The following KIF25 variants were observed in gnomAD, a reference collection of about 807,000 sequenced individuals.
KIF25 encodes kinesin family member 25.
In KIF25, 19 loss-of-function variants were observed where a neutral mutation model predicts 32.9. The ratio of observed to expected loss-of-function variants is 0.58; its 90% CI spans 0.40 to 0.85. KIF25 has a LOEUF of 0.85. Among genes scored for constraint, KIF25 ranks in the 40% least tolerant of loss-of-function variants. The pLI, the probability that KIF25 is intolerant of heterozygous loss-of-function variation, is 0.00. For missense variants in KIF25, 485 were observed against 507.0 expected (o/e 0.96, Z 0.42); for synonymous variants, 225 against 213.7 (o/e 1.05, Z -0.46).
intron 4 of KIF25, among the ~76,000 whole-genome samples, chr6:168,012,914 G>A (rs73040835): frequency 0.019 from 2,890 of 151,678 alleles, 28 homozygotes; most frequent in Non-Finnish European, 0.029. Context: ...GCTGTTTCGT[G>A]GGTTTGGAGT....
intron 4 of KIF25, among the ~76,000 whole-genome samples, chr6:168,016,472 G>A (rs924662642): frequency 6.6e-6 from 1 of 152,234 alleles, no homozygotes; most frequent in Non-Finnish European, 1.5e-5. Flanking sequence ...CATTGCCAGA[G>A]TCACTGTGGT....
At position 167,998,110 on chromosome 6, in the gene KIF25, G is replaced by A. The variant is rs1798446501; in HGVS notation, c.-1359G>A. ...TCTCTGGGTTGCTATAAAGACAAAGGGAGATATCAGTGAAGCACCTGGCAC... is the reference window on the plus strand; with the variant it reads ...TCTCTGGGTTGCTATAAAGACAAAGAGAGATATCAGTGAAGCACCTGGCAC... On this transcript the variant is annotated 5_prime_UTR_variant, in exon 1 of 13. Transcript: ENST00000643607. The A allele has an allele frequency of 6.6e-6, 1 of 151,512 alleles. No homozygotes were observed. Among genetic ancestry groups the A allele is most frequent in the African/African-American group, 2.4e-5 (1 of 41,224 alleles). 9.4% of individuals were successfully genotyped at this position (151,512 alleles called of 1,614,324 possible).
At chr6:168,014,814 T>C (rs1798692889) in intron 4 of KIF25, among the ~76,000 whole-genome samples, 1 of 152,250 alleles carries the variant, frequency 6.6e-6, no homozygotes, top group South Asian at 2.1e-4. Flanking sequence ...ATCCACTCTG[T>C]TGATAATCAG....
chr6:168,020,022 T>G (rs1344131491), intron 5 of KIF25, among the ~76,000 whole-genome samples: 4 of 152,218 alleles, frequency 2.6e-5, no homozygotes, highest in Admixed American at 2.6e-4. Context: ...ATCCCGCTGC[T>G]TGGGAGGCTG....
At chr6:168,013,291 C>G (rs1458487205) in intron 4 of KIF25, among the ~76,000 whole-genome samples, 2 of 151,726 alleles carry the variant, frequency 1.3e-5, no homozygotes, top group African/African-American at 2.4e-5. Flanking sequence ...CCAGGTTCCT[C>G]CAGCTGGTAG....
At chr6:168,040,450 C>A (rs531376390) in intron 10 of KIF25, among the ~76,000 whole-genome samples, 3 of 152,192 alleles carry the variant, frequency 2.0e-5, no homozygotes, top group Non-Finnish European at 4.4e-5. Context: ...CCTGTAATCC[C>A]AGCTACTCGG....
intron 4 of KIF25, among the ~76,000 whole-genome samples, chr6:168,017,215 A>G (rs1437732860): frequency 6.6e-6 from 1 of 152,292 alleles, no homozygotes; most frequent in South Asian, 2.1e-4. Context: ...AGACACACAC[A>G]CTACTAAGAA....
rs899907845 is a variant in KIF25, at chr6:168,038,640, C to G, written c.405C>G (p.Ala135=). Residue 135 remains alanine (A), a synonymous_variant, in exon 9 of 13, where the codon GCC becomes GCG. Coordinates refer to ENST00000643607, the MANE Select transcript of KIF25 (RefSeq NM_030615.4). ...VYNNDIFDLL[A]KDSIAAVSGV... ...ATAATGACATTTTTGACCTTCTGGC[C>G]AAAGACAGCATTGCAGCAGTGTCGG... 5 of 1,614,004 alleles carry G rather than the reference C, an allele frequency of 3.1e-6. No individual in the cohort carries two copies. Among genetic ancestry groups the G allele is most frequent in the Non-Finnish European group, 3.4e-6 (4 of 1,180,026 alleles).
chr6:168,038,821 G>C, intron 9 of KIF25, 92 bp downstream of exon 9: 2 of 1,320,996 alleles, frequency 1.5e-6, no homozygotes, highest in Non-Finnish European at 2.1e-6. Context: ...GTCTCTAAAC[G>C]AGCTCCCCAC....
rs1328351959 is a variant in KIF25 at position 168,024,416 on chromosome 6, C to CCT, written c.-94-5069_-94-5068dup. 6.5e-3 allele frequency among the ~76,000 whole-genome samples: 878 copies of CCT among 134,284 alleles called. 7 individuals carry two copies. The highest frequency in any genetic ancestry group is 0.011 in the South Asian group (38 of 3,588). 88.1% of individuals were successfully genotyped at this position (134,284 alleles called of 152,430 possible). A position where few individuals can be genotyped will look rare whatever the true frequency, so the allele number is the denominator to read the frequency against. The stretch of plus-strand genomic sequence containing the variant: ...TGCAGGGGAATAATCTTAGTAAAAA[C>CCT]CTCTCTCTTTTTTTTTTTTTTTTTT... On this transcript the variant is annotated intron_variant, in intron 5 of 12. Transcript: ENST00000643607.
rs1472747551 is a variant in KIF25 at position 168,018,547 on chromosome 6, A to AT, written c.-95+513dup. Among the ~76,000 whole-genome samples the AT allele has an allele frequency of 2.6e-5, 4 of 152,182 alleles. No homozygotes were observed. In the East Asian group the frequency reaches 7.7e-4, roughly 29 times the overall value. On this transcript the variant is annotated intron_variant, in intron 5 of 12. Coordinates refer to ENST00000643607, the MANE Select transcript of KIF25 (RefSeq NM_030615.4). The stretch of plus-strand genomic sequence containing the variant: ...TGTTCATTGTTTTAAGTAAATAGAC[A>AT]TTTTTTATATATCCAGTTTGTTGAT...
Position 168,038,555 on chromosome 6 carries a change from T to C in KIF25, c.320T>C (p.Leu107Pro). The C allele has an allele frequency of 1.2e-6, 2 of 1,613,978 alleles. No individual in the cohort carries two copies. Among genetic ancestry groups the C allele is most frequent in the Non-Finnish European group, 1.7e-6 (2 of 1,179,856 alleles). Residue 107 changes from leucine (L) to proline (P), a missense_variant and splice_region_variant, in exon 9 of 13, where the codon CTC (leucine) becomes CCC (proline). Leu to Pro is a moderately conservative substitution (Grantham distance 98, BLOSUM62 -3). Transcript: ENST00000643607. ...TTCTCTTGTGTGTTTTCCCGCAGGCTCATTTTGGAAAATACCTCAAGAAGC... is the reference window on the plus strand; with the variant it reads ...TTCTCTTGTGTGTTTTCCCGCAGGCCCATTTTGGAAAATACCTCAAGAAGC... ...IPRVAEELFRLILENTSRSPK... is the reference protein window; with the variant it reads ...IPRVAEELFRPILENTSRSPK...
At chr6:168,022,760 T>C in intron 5 of KIF25, among the ~76,000 whole-genome samples, 1 of 147,914 alleles carries the variant, frequency 6.8e-6, no homozygotes, top group East Asian at 2.1e-4. Context: ...TGATTGTTTG[T>C]TGTTGTTGTT....
At chr6:168,017,799 C>T (rs1434733490) in intron 4 of KIF25, 174 bp from the exon 5 acceptor site, 1 of 152,222 alleles carries the variant, frequency 6.6e-6, no homozygotes, top group Admixed American at 6.5e-5. Context: ...AATCATCCAG[C>T]TTTGCCCTTG....
chr6:168,022,785 T>G (rs1436595834), intron 5 of KIF25, among the ~76,000 whole-genome samples: 13 of 140,644 alleles, frequency 9.2e-5, no homozygotes, highest in Non-Finnish European at 7.7e-5. Context: ...TTTTTTTTTT[T>G]GGTAGGAGAC....
chr6:168,003,214 G>A (rs1228738905), intron 3 of KIF25, among the ~76,000 whole-genome samples: 5 of 151,970 alleles, frequency 3.3e-5, no homozygotes, highest in Admixed American at 1.3e-4. Flanking sequence ...AATGCAGACA[G>A]GGAAGATGAA....
chr6:168,021,617 A>T (rs1418403086), intron 5 of KIF25, among the ~76,000 whole-genome samples: 1 of 152,234 alleles, frequency 6.6e-6, no homozygotes, highest in Non-Finnish European at 1.5e-5. Flanking sequence ...AACCATCACC[A>T]CTATCCATCT....
At chr6:168,043,408 G>T (rs948365214) in intron 12 of KIF25, among the ~76,000 whole-genome samples, 1 of 152,158 alleles carries the variant, frequency 6.6e-6, no homozygotes, top group African/African-American at 2.4e-5. Flanking sequence ...CACCACAGTC[G>T]GGGGGCTCCT....
intron 5 of KIF25, among the ~76,000 whole-genome samples, chr6:168,023,523 C>A (rs912502226): frequency 6.6e-6 from 1 of 152,166 alleles, no homozygotes; most frequent in Non-Finnish European, 1.5e-5. Flanking sequence ...CCACCTTGGT[C>A]TCCCAAAGTG....
Sources: allele counts gnomAD v4.1 joint callset (sites outside exome capture counted in the v4.1 genomes callset), GRCh38; gene constraint gnomAD v4.1.1; transcripts MANE v1.5; gene names NCBI Gene and HGNC (gene_info 2026-07-23, HGNC 2026-07-21).